The following ULK4 variants were observed in gnomAD, a reference collection of about 807,000 sequenced individuals.
ULK4 encodes inactive serine/threonine-protein kinase ULK4.
In ULK4, 133 loss-of-function variants were observed where a neutral mutation model predicts 160.6. That is an observed-to-expected ratio of 0.83 (90% CI 0.72 to 0.96). The LOEUF (loss-of-function observed/expected upper bound fraction) is 0.96. Ranked by LOEUF, ULK4 falls within the 40% of genes least tolerant of loss-of-function variation. The pLI is 0.00. For synonymous variants in ULK4, 534 were observed against 539.8 expected (o/e 0.99, Z 0.15); for missense variants, 1,580 against 1,499.5 (o/e 1.05, Z -0.89).
At position 41,948,977 on chromosome 3, in the gene ULK4, AC is replaced by A. The variant is rs375772870; in HGVS notation, c.138+5644del. ...ATTGGAAAGGAAAAAAGTAAAATTA[AC>A]TCTGTTTGCAAATGATGTGATTGAT... is the stretch of plus-strand genomic sequence containing the variant. On this transcript the variant is annotated intron_variant, in intron 2 of 36. Coordinates refer to ENST00000301831, the MANE Select transcript of ULK4 (RefSeq NM_017886.4). Among the ~76,000 whole-genome samples the A allele has an allele frequency of 3.1e-4, 47 of 152,036 alleles. No individual in the cohort carries two copies. The South Asian group carries it at 9.4e-3, about 30-fold the overall frequency.
chr3:41,541,097 C>T (rs1452231223), intron 32 of ULK4, among the ~76,000 whole-genome samples: 1 of 152,152 alleles, frequency 6.6e-6, no homozygotes, highest in Non-Finnish European at 1.5e-5. Flanking sequence ...GTCATGAAGT[C>T]TTTGCCCATG....
intron 35 of ULK4, among the ~76,000 whole-genome samples, chr3:41,389,767 G>A (rs533935349): frequency 2.0e-5 from 3 of 152,072 alleles, no homozygotes; most frequent in Admixed American, 6.6e-5. Context: ...TGCTGGATTC[G>A]GTTTGCCAGT....
chr3:41,873,836 G>A (rs756612751), intron 17 of ULK4, among the ~76,000 whole-genome samples: 23 of 151,314 alleles, frequency 1.5e-4, no homozygotes, highest in Admixed American at 5.3e-4. Flanking sequence ...TTACAGGCAT[G>A]AGCCACCGCA....
rs1028645801 is a variant in ULK4, at chr3:41,932,649, T to G, written c.379-643A>C. Among the ~76,000 whole-genome samples the G allele has an allele frequency of 7.9e-5, 12 of 152,360 alleles. No individual in the cohort carries two copies. The East Asian group carries it at 2.3e-3, about 29-fold the overall frequency. ...TTTGTGATTAGAATCTATGGATTGT[T>G]GAAAACATGCCAGTAACTAATGTTC... On this transcript the variant is annotated intron_variant, in intron 4 of 36. Transcript: ENST00000301831.
chr3:41,828,374 T>C (rs1234186662), intron 18 of ULK4, among the ~76,000 whole-genome samples: 1 of 150,426 alleles, frequency 6.6e-6, no homozygotes, highest in African/African-American at 2.5e-5. Context: ...TGTTTACAGA[T>C]GACATGATTG....
At chr3:41,815,186 C>T (rs1343342416) in intron 19 of ULK4, among the ~76,000 whole-genome samples, 1 of 152,170 alleles carries the variant, frequency 6.6e-6, no homozygotes, top group Non-Finnish European at 1.5e-5. Flanking sequence ...GGATTACAGG[C>T]GTGAGCCACA....
chr3:41,385,787 A>G (rs2081794164), intron 35 of ULK4, among the ~76,000 whole-genome samples: 1 of 152,162 alleles, frequency 6.6e-6, no homozygotes, highest in African/African-American at 2.4e-5. Context: ...GTCAGCAGTG[A>G]AACTTAGAGA....
chr3:41,425,118 G>GA (rs1206417754), intron 34 of ULK4, among the ~76,000 whole-genome samples: 4 of 152,068 alleles, frequency 2.6e-5, no homozygotes, highest in Non-Finnish European at 4.4e-5. Context: ...AGACGGAGCT[G>GA]AAAAACCACA....
rs550135301 is a variant in ULK4 at position 41,842,289 on chromosome 3, G to C, written c.1657-6318C>G. ...CCACTGTACTGCAGCCTGGGCAACAGAGTGAAACCCCCATATAAAAAGGGA... is the reference window on the plus strand; with the variant it reads ...CCACTGTACTGCAGCCTGGGCAACACAGTGAAACCCCCATATAAAAAGGGA... On this transcript the variant is annotated intron_variant, in intron 17 of 36. Transcript: ENST00000301831. Among the ~76,000 whole-genome samples the C allele has an allele frequency of 2.5e-4, 38 of 151,850 alleles. No homozygotes were observed. In the Middle Eastern group the frequency reaches 0.01, roughly 42 times the overall value.
intron 21 of ULK4, among the ~76,000 whole-genome samples, chr3:41,757,526 G>A (rs1052747607): frequency 2.0e-5 from 3 of 150,836 alleles, no homozygotes; most frequent in Admixed American, 1.3e-4. Context: ...CAGCTACTCC[G>A]GAGGCTGAGG....
At chr3:41,710,300 T>C (rs1054263436) in intron 25 of ULK4, among the ~76,000 whole-genome samples, 7 of 152,058 alleles carry the variant, frequency 4.6e-5, no homozygotes, top group African/African-American at 1.4e-4. Context: ...CTCAGTGTAA[T>C]AGGGAGTAAT....
At chr3:41,941,268 G>A (rs781764556) in intron 2 of ULK4, among the ~76,000 whole-genome samples, 5 of 138,194 alleles carry the variant, frequency 3.6e-5, no homozygotes, top group Non-Finnish European at 4.6e-5. Context: ...GAACTCCTGG[G>A]TTCAAACGAT....
At chr3:41,283,143 A>C (rs1412432773) in intron 35 of ULK4, among the ~76,000 whole-genome samples, 1 of 152,232 alleles carries the variant, frequency 6.6e-6, no homozygotes, top group Non-Finnish European at 1.5e-5. Flanking sequence ...AAGTCTCAGG[A>C]AACAACAGAT....
chr3:41,840,656 G>A (rs564076929), intron 17 of ULK4, among the ~76,000 whole-genome samples: 4 of 152,320 alleles, frequency 2.6e-5, no homozygotes, highest in Non-Finnish European at 4.4e-5. Flanking sequence ...GATTGCAGAC[G>A]GAGTCTCGCT....
intron 32 of ULK4, among the ~76,000 whole-genome samples, chr3:41,529,525 C>T (rs745743709): frequency 4.6e-5 from 7 of 152,176 alleles, no homozygotes; most frequent in Admixed American, 3.9e-4. Context: ...CATTCTGTCA[C>T]CCAGGCTGGA....
chr3:41,834,422 T>C (rs1317993386), intron 18 of ULK4, among the ~76,000 whole-genome samples: 1 of 152,164 alleles, frequency 6.6e-6, no homozygotes, highest in Non-Finnish European at 1.5e-5. Flanking sequence ...CGTAACGATA[T>C]TAGTTATCAA....
intron 18 of ULK4, among the ~76,000 whole-genome samples, chr3:41,827,294 A>G (rs1247020673): frequency 1.3e-5 from 2 of 151,470 alleles, no homozygotes; most frequent in African/African-American, 2.4e-5. Context: ...GCAGAAGGCA[A>G]GAAATAACTA....
At chr3:41,528,855 T>C (rs915998338) in intron 32 of ULK4, among the ~76,000 whole-genome samples, 2 of 151,996 alleles carry the variant, frequency 1.3e-5, no homozygotes, top group African/African-American at 4.8e-5. Flanking sequence ...AAAGAAGGCA[T>C]ATCCTTACAT....
intron 17 of ULK4, chr3:41,868,989 ATT>A (rs1236893150): frequency 6.6e-6 from 1 of 151,902 alleles, no homozygotes; most frequent in African/African-American, 2.4e-5. Flanking sequence ...TTAGATGGTA[ATT>A]TAGTTTTTAA....
Sources: allele counts gnomAD v4.1 joint callset (sites outside exome capture counted in the v4.1 genomes callset), GRCh38; gene constraint gnomAD v4.1.1; transcripts MANE v1.5; gene names NCBI Gene and HGNC (gene_info 2026-07-23, HGNC 2026-07-21).